Variants in CAMKMT observed in about 807,000 individuals in gnomAD.
The protein encoded by CAMKMT is CaM KMT.
Under a neutral mutation model 48.0 loss-of-function variants are expected in CAMKMT, and 53 were observed. The ratio of observed to expected loss-of-function variants is 1.10; its 90% CI spans 0.89 to 1.39. CAMKMT has a LOEUF of 1.39. Ranked by LOEUF, CAMKMT falls within the 40% of genes most tolerant of loss-of-function variation. The pLI is 0.00. For missense variants in CAMKMT, 428 were observed against 402.7 expected (o/e 1.06, Z -0.54); for synonymous variants, 165 against 152.3 (o/e 1.08, Z -0.61).
chr2:44,712,022 G>A (rs1210836208), intron 6 of CAMKMT, among the ~76,000 whole-genome samples: 1 of 152,090 alleles, frequency 6.6e-6, no homozygotes, highest in Non-Finnish European at 1.5e-5. Context: ...TGGAAATAAA[G>A]GCCTCTCATC....
rs1038854751 is a variant in CAMKMT, at chr2:44,581,801, C to T, written c.377-122482C>T. ...GGATCACAAAGTCAGGAGTTCGAGA[C>T]CAGCCTGGCCAATATGGTGAAACCC... On this transcript the variant is annotated intron_variant, in intron 3 of 10. Transcript: ENST00000378494. Among the ~76,000 whole-genome samples, 64 of 152,002 alleles carry T rather than the reference C, an allele frequency of 4.2e-4. 1 individual carries two copies. Among genetic ancestry groups the T allele is most frequent in the Non-Finnish European group, 7.4e-5 (5 of 67,984 alleles).
intron 3 of CAMKMT, among the ~76,000 whole-genome samples, chr2:44,545,560 TTTTG>T (rs1667350123): frequency 6.6e-6 from 1 of 152,138 alleles, no homozygotes; most frequent in Non-Finnish European, 1.5e-5. Flanking sequence ...TTGTTTTTGT[TTTTG>T]TTTTTTTTGC....
chr2:44,509,367 T>C (rs1670423016), intron 3 of CAMKMT, among the ~76,000 whole-genome samples: 1 of 152,084 alleles, frequency 6.6e-6, no homozygotes, highest in African/African-American at 2.4e-5. Context: ...CAGGCTGGAG[T>C]GCAGTCATCT....
chr2:44,479,387 G>T (rs1668853951), intron 3 of CAMKMT, among the ~76,000 whole-genome samples: 1 of 152,214 alleles, frequency 6.6e-6, no homozygotes, highest in Non-Finnish European at 1.5e-5. Context: ...TGAATTTTCA[G>T]AGTTCACGGT....
intron 7 of CAMKMT, among the ~76,000 whole-genome samples, chr2:44,730,816 T>G (rs939165810): frequency 1.3e-5 from 2 of 152,202 alleles, no homozygotes; most frequent in African/African-American, 4.8e-5. Flanking sequence ...GAGTGAGCTG[T>G]GCCAACATAG....
chr2:44,601,509 A>G (rs1302983331), intron 3 of CAMKMT, among the ~76,000 whole-genome samples: 5 of 151,942 alleles, frequency 3.3e-5, no homozygotes, highest in African/African-American at 1.2e-4. Flanking sequence ...ATTTTAAAAA[A>G]TCATAAAATT....
At chr2:44,461,625 G>C (rs1558633540) in intron 3 of CAMKMT, among the ~76,000 whole-genome samples, 1 of 152,060 alleles carries the variant, frequency 6.6e-6, no homozygotes, top group Non-Finnish European at 1.5e-5. Flanking sequence ...ACTGAACCTG[G>C]GTTATAGAGG....
chr2:44,392,224 C>A (rs1010379675), intron 3 of CAMKMT, among the ~76,000 whole-genome samples: 3 of 151,928 alleles, frequency 2.0e-5, no homozygotes, highest in Admixed American at 2.0e-4. Context: ...ATTAAAATGC[C>A]TCATTATAAA....
intron 3 of CAMKMT, among the ~76,000 whole-genome samples, chr2:44,575,106 T>C (rs1669142419): frequency 6.6e-6 from 1 of 151,636 alleles, no homozygotes; most frequent in Non-Finnish European, 1.5e-5. Flanking sequence ...TGAGACAGAG[T>C]CTCACTCTGT....
chr2:44,397,791 G>A (rs1384056029), intron 3 of CAMKMT, among the ~76,000 whole-genome samples: 1 of 152,140 alleles, frequency 6.6e-6, no homozygotes, highest in Non-Finnish European at 1.5e-5. Context: ...CACAGAATTG[G>A]AATGATTCTT....
At chr2:44,421,764 A>G (rs1267576342) in intron 3 of CAMKMT, among the ~76,000 whole-genome samples, 1 of 152,226 alleles carries the variant, frequency 6.6e-6, no homozygotes, top group South Asian at 2.1e-4. Flanking sequence ...GGTTTTTAGA[A>G]CAACAATGGA....
chr2:44,765,590 A>G (rs1209426856), intron 9 of CAMKMT, among the ~76,000 whole-genome samples: 1 of 152,084 alleles, frequency 6.6e-6, no homozygotes, highest in African/African-American at 2.4e-5. Flanking sequence ...AGAGGGAGGA[A>G]AAATCCGCAT....
At chr2:44,464,048 A>G (rs1467435248) in intron 3 of CAMKMT, among the ~76,000 whole-genome samples, 1 of 114,428 alleles carries the variant, frequency 8.7e-6, no homozygotes, top group Admixed American at 9.9e-5. Context: ...ATCTTAAAGA[A>G]GCTCAATGTG....
intron 3 of CAMKMT, among the ~76,000 whole-genome samples, chr2:44,609,434 T>C (rs1416016768): frequency 6.6e-6 from 1 of 152,176 alleles, no homozygotes; most frequent in Non-Finnish European, 1.5e-5. Flanking sequence ...TATACACAAT[T>C]GTCTGTCAAT....
At chr2:44,629,543 A>G (rs60393563) in intron 3 of CAMKMT, among the ~76,000 whole-genome samples, 4,113 of 151,318 alleles carry the variant, frequency 0.027, 166 homozygotes, top group African/African-American at 0.089. Flanking sequence ...GGCTCAAGCA[A>G]TCCTCCCACC....
chr2:44,573,952 T>C (rs2103745872), intron 3 of CAMKMT, among the ~76,000 whole-genome samples: 1 of 152,374 alleles, frequency 6.6e-6, no homozygotes, highest in South Asian at 2.1e-4. Context: ...AGTTATGTTT[T>C]GATTTCTGAT....
At chr2:44,530,964 C>T (rs977197765) in intron 3 of CAMKMT, among the ~76,000 whole-genome samples, 3 of 151,544 alleles carry the variant, frequency 2.0e-5, no homozygotes, top group Non-Finnish European at 4.4e-5. Context: ...AAAGATCTTC[C>T]CCATTGTGCA....
chr2:44,501,323 A>G (rs1266939535), intron 3 of CAMKMT, among the ~76,000 whole-genome samples: 1 of 152,126 alleles, frequency 6.6e-6, no homozygotes, highest in Non-Finnish European at 1.5e-5. Flanking sequence ...CTCTATTGCT[A>G]TTAAACACTT....
chr2:44,538,418 A>ATCCTC (rs1666902454), intron 3 of CAMKMT, among the ~76,000 whole-genome samples: 1 of 152,084 alleles, frequency 6.6e-6, no homozygotes, highest in Non-Finnish European at 1.5e-5. Context: ...TGTAGTATAT[A>ATCCTC]TACACCATGG....
Sources: allele counts gnomAD v4.1 joint callset (sites outside exome capture counted in the v4.1 genomes callset), GRCh38; gene constraint gnomAD v4.1.1; transcripts MANE v1.5; gene names NCBI Gene and HGNC (gene_info 2026-07-23, HGNC 2026-07-21).